PC: variants seen among roughly 807,000 people sequenced by gnomAD.
The protein encoded by PC is pyruvate carboxylase, also known as pyruvate carboxylase, mitochondrial.
A neutral mutation model predicts 107.8 loss-of-function variants in PC; 46 were observed. The ratio of observed to expected loss-of-function variants is 0.43; its 90% CI spans 0.34 to 0.55. PC has a LOEUF of 0.55. Ranked by LOEUF, PC falls within the 20% of genes least tolerant of loss-of-function variation. PC has a pLI of 0.04. For synonymous variants in PC, 662 were observed against 684.7 expected (o/e 0.97, Z 0.52); for missense variants, 1,241 against 1,643.1 (o/e 0.76, Z 4.23).
At chr11:66,947,397 C>T (rs1193499395) in intron 3 of PC, among the ~76,000 whole-genome samples, 2 of 149,770 alleles carry the variant, frequency 1.3e-5, no homozygotes, top group Non-Finnish European at 3.0e-5. Flanking sequence ...TTCTGGCTAA[C>T]ACAGTGAAAC....
chr11:66,953,103 G>A lies in PC; in HGVS notation c.-39-635C>T, dbSNP rs188752598. Among the ~76,000 whole-genome samples, 532 of 152,352 alleles carry A rather than the reference G, an allele frequency of 3.5e-3. 6 individuals are homozygous for A. The highest frequency in any genetic ancestry group is 0.021 in the South Asian group (102 of 4,826). ...CAGAGGACACACTGGGACGTTAACC[G>A]ACAGGCTAGGTGGGAAGCGCTTAAG... On this transcript the variant is annotated intron_variant, in intron 2 of 22. Coordinates refer to ENST00000393960, the MANE Select transcript of PC (RefSeq NM_001040716.2).
chr11:66,927,472 A>G (rs1295524629), intron 3 of PC, among the ~76,000 whole-genome samples: 1 of 151,932 alleles, frequency 6.6e-6, no homozygotes, highest in East Asian at 1.9e-4. Context: ...CTGTAATCCC[A>G]GCACTTTGGG....
intron 3 of PC, among the ~76,000 whole-genome samples, chr11:66,887,280 A>C (rs1947405074): frequency 6.6e-6 from 1 of 152,200 alleles, no homozygotes; most frequent in Non-Finnish European, 1.5e-5. Flanking sequence ...CGGTCAGCGA[A>C]CCACCACCAG....
rs771499528 is a variant in PC at position 66,858,540 on chromosome 11, C to T, written c.1369-5157G>A. 7.2e-6 allele frequency: 11 copies of T among 1,533,910 alleles called. No homozygotes were observed. Among genetic ancestry groups the T allele is most frequent in the South Asian group, 3.6e-5 (3 of 83,926 alleles). ...CGCCTCCCCGCCCGGCCTGGCCGGC[C>T]GCTACTTCTGGGCAGTGCCCGAGGG... On this transcript the variant is annotated intron_variant, in intron 12 of 22. Transcript: ENST00000393960. The surrounding 1 kb of genome is among the most constrained non-coding windows in gnomAD (Gnocchi z 5.9).
At chr11:66,867,571 C>T (rs919921155) in intron 10 of PC, among the ~76,000 whole-genome samples, 9 of 152,214 alleles carry the variant, frequency 5.9e-5, no homozygotes, top group Admixed American at 2.6e-4. Flanking sequence ...ATCTCCACGA[C>T]GGTGTGCTGA....
chr11:66,855,121 G>A (rs1289502091), intron 12 of PC, among the ~76,000 whole-genome samples: 2 of 152,200 alleles, frequency 1.3e-5, no homozygotes, highest in African/African-American at 4.8e-5. Flanking sequence ...ACACGCTGAA[G>A]GTCATAACCG....
At chr11:66,902,059 G>A (rs1465729036) in intron 3 of PC, among the ~76,000 whole-genome samples, 1 of 152,146 alleles carries the variant, frequency 6.6e-6, no homozygotes, top group South Asian at 2.1e-4. Context: ...CCCAGTCCAT[G>A]AGCCAAGGCG....
chr11:66,849,124 G>A lies in PC; in HGVS notation c.3312C>T (p.Ala1104=). The A allele has an allele frequency of 6.2e-7, 1 of 1,614,022 alleles. No individual in the cohort carries two copies. Among genetic ancestry groups the A allele is most frequent in the Non-Finnish European group, 8.5e-7 (1 of 1,180,034 alleles). ...AMKEMHFHPK[A]LKDVKGQIGA... ...CGATCTGGCCCTTCACGTCCTTTAG[G>A]GCCTTGGGGTGGAAGTGCATCTCCT... Residue 1104 remains alanine (A), a synonymous_variant, in exon 23 of 23, where the codon GCC becomes GCT. Transcript: ENST00000393960.
At position 66,858,740 on chromosome 11, in the gene PC, C is replaced by T. The variant is rs1044990835; in HGVS notation, c.1368+5034G>A. 5 of 1,554,372 alleles carry T rather than the reference C, an allele frequency of 3.2e-6. No individual in the cohort carries two copies. The African/African-American group carries it at 6.8e-5, about 21-fold the overall frequency. On this transcript the variant is annotated intron_variant, in intron 12 of 22. Coordinates refer to ENST00000393960, the MANE Select transcript of PC (RefSeq NM_001040716.2). The surrounding 1 kb of genome is among the most constrained non-coding windows in gnomAD (Gnocchi z 5.9). ...ACTCCTCCCGAGCCCGGGCTTTCCC[C>T]AACGGGACCTTAGAGATTGGGGTGA...
intron 3 of PC, among the ~76,000 whole-genome samples, chr11:66,928,112 G>C (rs1269747809): frequency 6.6e-6 from 1 of 152,112 alleles, no homozygotes; most frequent in African/African-American, 2.4e-5. Context: ...GGCAGGCCGG[G>C]TATGGTGTCT....
intron 3 of PC, among the ~76,000 whole-genome samples, chr11:66,948,059 A>ATAGG (rs1949347300): frequency 1.4e-5 from 2 of 147,254 alleles, no homozygotes; most frequent in Non-Finnish European, 3.0e-5. Flanking sequence ...AGATAGATAG[A>ATAGG]TAGATATGCC....
At chr11:66,887,982 C>CTCTG (rs1179001452) in intron 3 of PC, among the ~76,000 whole-genome samples, 4 of 152,258 alleles carry the variant, frequency 2.6e-5, no homozygotes, top group African/African-American at 4.8e-5. Flanking sequence ...TCACTCCCAC[C>CTCTG]TCTGGCTCTG....
rs924160468 is a variant in PC, at chr11:66,848,908, C to G, written c.3528G>C (p.Glu1176Asp). The G allele has an allele frequency of 6.2e-7, 1 of 1,613,870 alleles. No individual in the cohort carries two copies. ...CCGGTCTGGGGCAAGATCACTCGAT[C>G]TCCAGGATGAGGTCGTCACCTTCCA... Reference protein sequence around the residue: ...MTLEGDDLILEIE With the variant: ...MTLEGDDLILDIE The change falls in exon 23 of 23, where the codon GAG becomes GAC. Residue 1176 changes from glutamate (E) to aspartate (D), a missense_variant. By Grantham distance (45) the Glu-to-Asp change is conservative. Around this residue, in one of 2 missense-constraint regions of PC, gnomAD observed 98 missense variants for 91.2 expected, o/e 1.07. Transcript: ENST00000393960.
rs1447112572 is a variant in PC at position 66,945,693 on chromosome 11, T to G, written c.-1+6737A>C. 7.6e-5 allele frequency among the ~76,000 whole-genome samples: 9 copies of G among 118,828 alleles called. 2 individuals carry two copies. Among genetic ancestry groups the G allele is most frequent in the Non-Finnish European group, 1.7e-4 (9 of 53,166 alleles). The allele number at this position is 118,828 out of a possible 152,430, so 78.0% of individuals were successfully genotyped here. ...ATTTACTATACTTTAAAATCATGTATTTAATTCCTTATTAGGTAAGCTTCT... is the reference window on the plus strand; with the variant it reads ...ATTTACTATACTTTAAAATCATGTAGTTAATTCCTTATTAGGTAAGCTTCT... On this transcript the variant is annotated intron_variant, in intron 3 of 22. Transcript: ENST00000393960.
intron 3 of PC, among the ~76,000 whole-genome samples, chr11:66,920,154 G>C (rs1218387858): frequency 6.6e-6 from 1 of 152,180 alleles, no homozygotes. Flanking sequence ...CTGTGGCACA[G>C]AGGAGGGGAG....
intron 11 of PC, among the ~76,000 whole-genome samples, chr11:66,864,778 C>T (rs970422757): frequency 3.3e-5 from 5 of 152,334 alleles, no homozygotes; most frequent in East Asian, 1.9e-4. Context: ...TGGCTCGTGC[C>T]GCCTGCACCT....
Position 66,850,825 on chromosome 11 carries a change from G to A in PC, c.2322C>T (p.Asp774=), listed in dbSNP as rs753643196. 6.2e-7 allele frequency: 1 copy of A among 1,612,130 alleles called. No homozygotes were observed. The highest frequency in any genetic ancestry group is 2.2e-5 in the East Asian group (1 of 44,888). ...TGGCTGCCACGCCTGCCCCTGACGTGTCGTGGGTGTGGATGTGCAGTGGGA... is the reference window on the plus strand; with the variant it reads ...TGGCTGCCACGCCTGCCCCTGACGTATCGTGGGTGTGGATGTGCAGTGGGA... The part of the protein sequence containing the change: ...PDLPLHIHTH[D]TSGAGVAAML... The change falls in exon 18 of 23, where the codon GAC becomes GAT. Residue 774 remains aspartate, a synonymous_variant. Coordinates refer to ENST00000393960, the MANE Select transcript of PC (RefSeq NM_001040716.2).
chr11:66,868,919 G>A lies in PC; in HGVS notation c.949C>T (p.His317Tyr). The A allele has an allele frequency of 6.2e-7, 1 of 1,613,762 alleles. No individual in the cohort carries two copies. The highest frequency in any genetic ancestry group is 2.2e-5 in the East Asian group (1 of 44,880). The part of the protein sequence containing the change: ...AGTVEFLVDR[H>Y]GKHYFIEVNS... ...ACCTCGATGAAGTAGTGCTTGCCGTGCCTGTCCACCAGGAACTCCACGGTG... is the reference window on the plus strand; with the variant it reads ...ACCTCGATGAAGTAGTGCTTGCCGTACCTGTCCACCAGGAACTCCACGGTG... Residue 317 changes from histidine (H) to tyrosine (Y), a missense_variant, in exon 10 of 23, where the codon CAC becomes TAC. Transcript: ENST00000393960.
chr11:66,862,641 G>A (rs1946321937), intron 12 of PC, among the ~76,000 whole-genome samples: 1 of 152,252 alleles, frequency 6.6e-6, no homozygotes, highest in African/African-American at 2.4e-5. Context: ...TTGCCATTCT[G>A]AGGGTGGCTC....
Sources: gnomAD v4.1 joint callset for allele counts (sites outside exome capture counted in the v4.1 genomes callset) on GRCh38, gnomAD v4.1.1 for gene constraint, gnomAD v4.1.1 regional missense constraint, Gnocchi (gnomAD v3.1) non-coding constraint, MANE v1.5 for transcripts, NCBI Gene and HGNC (gene_info 2026-07-23, HGNC 2026-07-21) for gene names.